The following MINDY3 variants were observed in gnomAD, a reference collection of about 807,000 sequenced individuals.
MINDY3 encodes ubiquitin carboxyl-terminal hydrolase MINDY-3.
Under a neutral mutation model 69.2 loss-of-function variants are expected in MINDY3, and 38 were observed. The observed-to-expected ratio is 0.55, with a 90% CI of 0.42 to 0.72. The LOEUF is 0.72. Ranked by LOEUF, MINDY3 falls within the 30% of genes least tolerant of loss-of-function variation. The pLI, the probability that MINDY3 is intolerant of heterozygous loss-of-function variation, is 0.00. For missense variants in MINDY3, 522 were observed against 519.0 expected (o/e 1.01, Z -0.06); for synonymous variants, 192 against 180.1 (o/e 1.07, Z -0.53).
chr10:15,785,564 C>G (rs576229932), intron 13 of MINDY3, among the ~76,000 whole-genome samples: 185 of 150,480 alleles, frequency 1.2e-3, no homozygotes, highest in African/African-American at 4.5e-3. Flanking sequence ...AGAATGTGAA[C>G]AAAGAGGATA....
chr10:15,860,431 A>C lies in MINDY3; in HGVS notation c.-132T>G, dbSNP rs941423713. Reference sequence around the variant, plus strand: ...TTGGAAGGTGAGGCAGGAAAGAAGAAGGGGCTGAGAGCCACTTGCAGAGAC... The same window carrying C: ...TTGGAAGGTGAGGCAGGAAAGAAGACGGGGCTGAGAGCCACTTGCAGAGAC... On this transcript the variant is annotated 5_prime_UTR_variant, in exon 1 of 15. Transcript: ENST00000277632. 85 of 719,384 alleles carry C rather than the reference A, an allele frequency of 1.2e-4. No individual in the cohort carries two copies. The highest frequency in any genetic ancestry group is 2.0e-4 in the Non-Finnish European group (82 of 408,044). 44.6% of individuals were successfully genotyped at this position (719,384 alleles called of 1,614,324 possible).
At chr10:15,800,469 G>C (rs1421043565) in intron 10 of MINDY3, among the ~76,000 whole-genome samples, 1 of 152,108 alleles carries the variant, frequency 6.6e-6, no homozygotes, top group Non-Finnish European at 1.5e-5. Flanking sequence ...CAGAGCACAA[G>C]TATGGCGCTA....
At chr10:15,802,105 G>A (rs150895087) in intron 10 of MINDY3, among the ~76,000 whole-genome samples, 80 of 151,436 alleles carry the variant, frequency 5.3e-4, no homozygotes, top group Middle Eastern at 3.4e-3. Flanking sequence ...TGTTGGTTAC[G>A]GTAAGGCTTC....
Position 15,838,254 on chromosome 10 carries a change from G to C in MINDY3, c.435C>G (p.Gly145=), listed in dbSNP as rs753421875. ...GAATTAATGCATGAAATCGCTCAAA[G>C]CCAAGCTCTTCGACAGCCAAGGCAG... ...HSSALAVEEL[G]FERFHALIQK... is the part of the protein sequence containing the mutation. The change falls in exon 5 of 15, where the codon GGC becomes GGG. Residue 145 remains glycine (G), a synonymous_variant. Coordinates refer to ENST00000277632, the MANE Select transcript of MINDY3 (RefSeq NM_024948.4). 1 of 1,603,996 alleles carries C rather than the reference G, an allele frequency of 6.2e-7. No individual in the cohort carries two copies. Among genetic ancestry groups the C allele is most frequent in the Non-Finnish European group, 8.5e-7 (1 of 1,176,136 alleles).
chr10:15,823,105 A>G (rs187658130), intron 8 of MINDY3, among the ~76,000 whole-genome samples: 120 of 152,304 alleles, frequency 7.9e-4, no homozygotes, highest in African/African-American at 2.4e-3. Flanking sequence ...TTTACTGTGT[A>G]GCCTTAACTA....
intron 10 of MINDY3, among the ~76,000 whole-genome samples, chr10:15,810,824 T>C (rs1838948994): frequency 6.6e-6 from 1 of 151,944 alleles, no homozygotes; most frequent in Non-Finnish European, 1.5e-5. Flanking sequence ...CCAGAATATA[T>C]TAAAAAACTC....
chr10:15,820,389 A>G (rs1839675375), intron 9 of MINDY3, among the ~76,000 whole-genome samples: 1 of 152,186 alleles, frequency 6.6e-6, no homozygotes, highest in African/African-American at 2.4e-5. Flanking sequence ...ATATTTCCAA[A>G]TATAAAATCT....
intron 5 of MINDY3, 87 bp downstream of exon 5, chr10:15,838,141 A>C (rs1025397394): frequency 6.5e-6 from 9 of 1,385,844 alleles, no homozygotes; most frequent in Non-Finnish European, 8.5e-6. Context: ...TTCTATGTAA[A>C]ACTAAGAACC....
intron 11 of MINDY3, among the ~76,000 whole-genome samples, chr10:15,793,436 C>T (rs1837569540): frequency 6.6e-6 from 1 of 152,090 alleles, no homozygotes; most frequent in East Asian, 1.9e-4. Flanking sequence ...TATAAGTATG[C>T]TTGATATCAA....
intron 9 of MINDY3, 69 bp downstream of exon 9, chr10:15,821,587 A>G (rs1184294582): frequency 8.4e-7 from 1 of 1,190,940 alleles, no homozygotes; most frequent in Non-Finnish European, 1.2e-6. Context: ...TGTCAGAGGA[A>G]CAAAACAGTA....
intron 10 of MINDY3, 134 bp from the exon 11 acceptor site, chr10:15,796,306 A>G: frequency 1.4e-6 from 1 of 691,298 alleles, no homozygotes; most frequent in Non-Finnish European, 2.6e-6. Flanking sequence ...ATAGATGTGT[A>G]ACGAGATAGG....
At chr10:15,859,680 T>A (rs1280040533) in intron 1 of MINDY3, among the ~76,000 whole-genome samples, 1 of 152,200 alleles carries the variant, frequency 6.6e-6, no homozygotes, top group African/African-American at 2.4e-5. Flanking sequence ...GTACACTTTT[T>A]AGCAAATAAC....
chr10:15,828,558 T>C (rs1840246505), intron 8 of MINDY3, among the ~76,000 whole-genome samples: 1 of 148,542 alleles, frequency 6.7e-6, no homozygotes, highest in African/African-American at 2.6e-5. Flanking sequence ...CATACGTGAG[T>C]ATCTCAATAA....
At chr10:15,810,718 G>A (rs1295816516) in intron 10 of MINDY3, among the ~76,000 whole-genome samples, 5 of 152,056 alleles carry the variant, frequency 3.3e-5, no homozygotes, top group African/African-American at 1.2e-4. Context: ...GCAAACAGTA[G>A]GTGACAAAAC....
intron 10 of MINDY3, among the ~76,000 whole-genome samples, chr10:15,815,427 CTT>C (rs1315439264): frequency 1.3e-5 from 2 of 152,180 alleles, no homozygotes; most frequent in Admixed American, 6.5e-5. Context: ...ATTCACGAAA[CTT>C]AGCATTGTCA....
intron 10 of MINDY3, among the ~76,000 whole-genome samples, chr10:15,810,271 A>T (rs1359619854): frequency 6.6e-6 from 1 of 152,196 alleles, no homozygotes; most frequent in East Asian, 1.9e-4. Context: ...CCTAAAAGTA[A>T]ATTGTTCATT....
intron 1 of MINDY3, among the ~76,000 whole-genome samples, chr10:15,856,620 C>G (rs1834710446): frequency 6.6e-6 from 1 of 152,136 alleles, no homozygotes; most frequent in Non-Finnish European, 1.5e-5. Context: ...TGCAGCCACA[C>G]CCATACTAAC....
intron 10 of MINDY3, among the ~76,000 whole-genome samples, chr10:15,815,891 C>A (rs1423101314): frequency 6.6e-6 from 1 of 152,144 alleles, no homozygotes; most frequent in Non-Finnish European, 1.5e-5. Flanking sequence ...AGCTCTTAAC[C>A]ACTCAATTGT....
At chr10:15,856,683 C>G (rs1014880139) in intron 1 of MINDY3, among the ~76,000 whole-genome samples, 3 of 152,088 alleles carry the variant, frequency 2.0e-5, no homozygotes, top group Non-Finnish European at 1.5e-5. Flanking sequence ...AATAAAAAGG[C>G]CACTCACCCT....
Sources: gnomAD v4.1 joint callset for allele counts (sites outside exome capture counted in the v4.1 genomes callset) on GRCh38, gnomAD v4.1.1 for gene constraint, MANE v1.5 for transcripts, NCBI Gene and HGNC (gene_info 2026-07-23, HGNC 2026-07-21) for gene names.